Variants in FIG4 observed in about 807,000 individuals in gnomAD.
FIG4 encodes FIG4 phosphoinositide 5-phosphatase.
FIG4 carries 112 observed loss-of-function variants against 118.6 expected under a neutral mutation model. The observed-to-expected ratio is 0.94, with a 90% CI of 0.81 to 1.11. The LOEUF (loss-of-function observed/expected upper bound fraction) is 1.11, where lower values mean the gene tolerates loss of function less well. FIG4 is among the 50% of genes least tolerant of loss of function. The pLI, the probability that FIG4 is intolerant of heterozygous loss-of-function variation, is 0.00. For synonymous variants in FIG4, 369 were observed against 381.2 expected, an observed-to-expected ratio of 0.97 and a Z score of 0.37; for missense variants, 969 against 1,111.7, an observed-to-expected ratio of 0.87 and a Z score of 1.83.
chr6:109,727,307 G>A, intron 4 of FIG4, 42 bp downstream of exon 4: 2 of 1,507,508 alleles, frequency 1.3e-6, no homozygotes, highest in Non-Finnish European at 1.8e-6. Context: ...TGGAGACAAG[G>A]TCTTGCCCTG....
rs375022448 is a variant in FIG4 at position 109,743,148 on chromosome 6, C to T, written c.915C>T (p.Leu305=). The change falls in exon 9 of 23, where the codon CTC becomes CTT. Residue 305 remains leucine (L), a synonymous_variant. Transcript: ENST00000230124. ...ATGAAGTGGAGACTGAACAAATACT[C>T]TGCGATGCTTCTGTGATGTCTTTCA... ...VANEVETEQI[L]CDASVMSFTA... is the part of the protein sequence containing the mutation. 22 of 1,612,988 alleles carry T rather than the reference C, an allele frequency of 1.4e-5. No homozygotes were observed. The South Asian group carries it at 2.2e-4, about 16-fold the overall frequency.
At chr6:109,748,905 G>A (rs1286372040) in intron 10 of FIG4, among the ~76,000 whole-genome samples, 1 of 152,024 alleles carries the variant, frequency 6.6e-6, no homozygotes, top group Admixed American at 6.6e-5. Flanking sequence ...TCCACAACAC[G>A]TGGGAATTAT....
chr6:109,802,939 C>T (rs549555207), intron 22 of FIG4, among the ~76,000 whole-genome samples: 7 of 152,152 alleles, frequency 4.6e-5, no homozygotes, highest in South Asian at 2.1e-4. Flanking sequence ...ACATATTGCC[C>T]GTTTTATTTT....
chr6:109,697,346 G>C (rs769308807), intron 1 of FIG4, among the ~76,000 whole-genome samples: 1 of 151,996 alleles, frequency 6.6e-6, no homozygotes, highest in Non-Finnish European at 1.5e-5. Context: ...TCTGGCTCAG[G>C]GTCTCATGAA....
At chr6:109,692,948 T>C (rs1774570080) in intron 1 of FIG4, among the ~76,000 whole-genome samples, 1 of 152,160 alleles carries the variant, frequency 6.6e-6, no homozygotes, top group African/African-American at 2.4e-5. Flanking sequence ...CCTCCCAAAG[T>C]GTTGGGATTA....
intron 15 of FIG4, among the ~76,000 whole-genome samples, chr6:109,769,461 T>A (rs1157516479): frequency 6.6e-6 from 1 of 152,156 alleles, no homozygotes; most frequent in Non-Finnish European, 1.5e-5. Flanking sequence ...AAGCATGATA[T>A]CATTGGGGTG....
intron 22 of FIG4, among the ~76,000 whole-genome samples, chr6:109,807,174 G>A (rs1778588159): frequency 6.6e-6 from 1 of 152,156 alleles, no homozygotes; most frequent in African/African-American, 2.4e-5. Context: ...AGATTCTTGA[G>A]GAATCGTCAC....
intron 22 of FIG4, among the ~76,000 whole-genome samples, chr6:109,802,914 T>C (rs1020718032): frequency 7.2e-5 from 11 of 152,334 alleles, no homozygotes; most frequent in African/African-American, 2.6e-4. Flanking sequence ...TTTTTTGTTT[T>C]GTTTTTACAA....
chr6:109,804,265 T>C lies in FIG4; in HGVS notation c.2546+7414T>C, dbSNP rs550161462. 3.3e-5 allele frequency among the ~76,000 whole-genome samples: 5 copies of C among 152,276 alleles called. No homozygotes were observed. The East Asian group carries it at 9.7e-4, about 29-fold the overall frequency. On this transcript the variant is annotated intron_variant, in intron 22 of 22. Coordinates refer to ENST00000230124, the MANE Select transcript of FIG4 (RefSeq NM_014845.6). ...TTTAACCTTTAATATTTTGTTAGTT[T>C]ACCAAATTATCATCAGTTTTGTGTA... is the stretch of plus-strand genomic sequence containing the variant.
In FIG4 at chr6:109,698,708, G is replaced by A. The variant is rs75495699; in HGVS notation, c.66+7207G>A. The stretch of plus-strand genomic sequence containing the variant: ...ATGAGACTTTATAAAAAAATTGTGA[G>A]TGGATGTTGAATTTTGTCAAATGTT... On this transcript the variant is annotated intron_variant, in intron 1 of 22. Transcript: ENST00000230124. Among the ~76,000 whole-genome samples, 1,317 of 152,312 alleles carry A rather than the reference G, an allele frequency of 8.6e-3. 20 individuals are homozygous for A. Among genetic ancestry groups the A allele is most frequent in the African/African-American group, 0.029 (1,216 of 41,572 alleles).
rs368831195 is a variant in FIG4 at position 109,727,119 on chromosome 6, G to A, written c.300G>A (p.Arg100=). Residue 100 remains arginine (R), a synonymous_variant, in exon 4 of 23, where the codon AGG becomes AGA. Transcript: ENST00000230124. ...VSAFGVVGFV[R]FLEGYYIVLI... Reference sequence around the variant, plus strand: ...TTTTTTGTTGCATAGGTTTTGTCAGGTTCTTAGAAGGCTATTATATTGTGT... The same window carrying A: ...TTTTTTGTTGCATAGGTTTTGTCAGATTCTTAGAAGGCTATTATATTGTGT... 22 of 1,610,360 alleles carry A rather than the reference G, an allele frequency of 1.4e-5. No homozygotes were observed. Among genetic ancestry groups the A allele is most frequent in the South Asian group, 7.7e-5 (7 of 91,000 alleles).
intron 17 of FIG4, chr6:109,785,746 A>G (rs1306928458): frequency 4.3e-6 from 2 of 469,028 alleles, no homozygotes; most frequent in Non-Finnish European, 8.9e-6. Flanking sequence ...CAGCATCCCA[A>G]CTTTGGGTGG....
intron 6 of FIG4, among the ~76,000 whole-genome samples, chr6:109,738,042 C>T (rs75494680): frequency 2.8e-3 from 425 of 152,220 alleles, no homozygotes; most frequent in African/African-American, 9.8e-3. Flanking sequence ...TCCTCAATTT[C>T]CTTGTCATTT....
At chr6:109,794,107 G>A (rs1033917791) in intron 21 of FIG4, among the ~76,000 whole-genome samples, 1 of 152,168 alleles carries the variant, frequency 6.6e-6, no homozygotes, top group Non-Finnish European at 1.5e-5. Context: ...TTCAGGGGAG[G>A]GAGGAACCCA....
At chr6:109,754,407 T>G (rs1776813485) in intron 10 of FIG4, among the ~76,000 whole-genome samples, 1 of 152,226 alleles carries the variant, frequency 6.6e-6, no homozygotes, top group African/African-American at 2.4e-5. Flanking sequence ...TTCTCTTTTT[T>G]GGTTGTGTCT....
At chr6:109,706,754 C>T (rs1282364831) in intron 1 of FIG4, among the ~76,000 whole-genome samples, 1 of 152,184 alleles carries the variant, frequency 6.6e-6, no homozygotes. Flanking sequence ...ATTCTTGTGC[C>T]TGTAACAAAC....
chr6:109,729,807 A>G (rs1235604010), intron 4 of FIG4, among the ~76,000 whole-genome samples: 2 of 151,826 alleles, frequency 1.3e-5, no homozygotes, highest in Non-Finnish European at 2.9e-5. Context: ...AGAAGAAAAA[A>G]GAAAAGATCA....
rs181012139 is a variant in FIG4 at position 109,791,418 on chromosome 6, G to T, written c.2223G>T (p.Thr741=). The T allele has an allele frequency of 9.7e-5, 157 of 1,613,542 alleles. 1 individual carries two copies. The East Asian group carries it at 3.4e-3, about 35-fold the overall frequency. The change falls in exon 20 of 23, where the codon ACG becomes ACT. Residue 741 remains threonine (T), a synonymous_variant. Coordinates refer to ENST00000230124, the MANE Select transcript of FIG4 (RefSeq NM_014845.6). ...NREEAVLQRK[T]AASAPPPPSE... is the part of the protein sequence containing the mutation. ...AAGAAGCTGTATTACAGCGGAAAAC[G>T]GCAGCCAGCGCCCCGCCGCCCCCCA... is the stretch of plus-strand genomic sequence containing the variant.
chr6:109,818,011 T>C (rs370245457), intron 22 of FIG4, among the ~76,000 whole-genome samples: 3 of 152,210 alleles, frequency 2.0e-5, no homozygotes, highest in East Asian at 3.9e-4. Flanking sequence ...CAAAACCATA[T>C]GGCAAACCAT....
Sources: allele counts gnomAD v4.1 joint callset (sites outside exome capture counted in the v4.1 genomes callset), GRCh38; gene constraint gnomAD v4.1.1; transcripts MANE v1.5; gene names NCBI Gene and HGNC (gene_info 2026-07-23, HGNC 2026-07-21).